ERBB4: variants seen among roughly 807,000 people sequenced by gnomAD.
ERBB4 encodes erb-b2 receptor tyrosine kinase 4, also known as receptor tyrosine-protein kinase erbB-4.
A neutral mutation model predicts 158.0 loss-of-function variants in ERBB4; 42 were observed. The observed-to-expected ratio is 0.27, with a 90% confidence interval of 0.21 to 0.34. The LOEUF (loss-of-function observed/expected upper bound fraction) is 0.34. ERBB4 is among the 10% of genes least tolerant of loss of function. ERBB4 has a pLI of 1.00. For missense variants in ERBB4, 1,333 were observed against 1,624.1 expected, an observed-to-expected ratio of 0.82 and a Z score of 3.08; for synonymous variants, 583 against 558.7, an observed-to-expected ratio of 1.04 and a Z score of -0.61.
chr2:211,557,067 G>A (rs2067255046), intron 20 of ERBB4, among the ~76,000 whole-genome samples: 1 of 152,126 alleles, frequency 6.6e-6, no homozygotes, highest in South Asian at 2.1e-4. Context: ...GCCATATGGA[G>A]AAGATTGAAA....
intron 20 of ERBB4, among the ~76,000 whole-genome samples, chr2:211,471,796 T>C (rs1334814691): frequency 6.6e-6 from 1 of 152,006 alleles, no homozygotes; most frequent in Non-Finnish European, 1.5e-5. Context: ...CAGATAAAAA[T>C]AATGAGCAGT....
intron 1 of ERBB4, among the ~76,000 whole-genome samples, chr2:212,370,884 A>G (rs1305166294): frequency 6.6e-6 from 1 of 152,174 alleles, no homozygotes; most frequent in African/African-American, 2.4e-5. Context: ...TCAAATACCT[A>G]AAATTTTATC....
At chr2:211,777,574 C>A (rs528456432) in intron 4 of ERBB4, 1 of 152,122 alleles carries the variant, frequency 6.6e-6, no homozygotes, top group African/African-American at 2.4e-5. Flanking sequence ...ACTATCCCTA[C>A]GAGGTTTACC....
At chr2:212,066,420 G>C (rs531230461) in intron 2 of ERBB4, among the ~76,000 whole-genome samples, 1 of 151,958 alleles carries the variant, frequency 6.6e-6, no homozygotes, top group African/African-American at 2.4e-5. Context: ...ACCCCGGGAA[G>C]TACAAAAGAG....
chr2:211,512,990 T>C (rs1039046043), intron 20 of ERBB4, among the ~76,000 whole-genome samples: 2 of 152,100 alleles, frequency 1.3e-5, no homozygotes, highest in African/African-American at 2.4e-5. Context: ...TGGGTCAGAC[T>C]GAAACATTAG....
intron 3 of ERBB4, among the ~76,000 whole-genome samples, chr2:211,848,417 T>C (rs2077640769): frequency 6.6e-6 from 1 of 152,084 alleles, no homozygotes; most frequent in Non-Finnish European, 1.5e-5. Context: ...TGTCTTCTAG[T>C]CTAGCCTAAT....
rs1313379159 is a variant in ERBB4 at position 212,474,057 on chromosome 2, T to C, written c.82+64392A>G. ...ATACAATATTAAAGTTTGAAAATCATAAAATAGATAACGAACACTTTTTTC... is the reference window on the plus strand; with the variant it reads ...ATACAATATTAAAGTTTGAAAATCACAAAATAGATAACGAACACTTTTTTC... On this transcript the variant is annotated intron_variant, in intron 1 of 27. Transcript: ENST00000342788. Among the ~76,000 whole-genome samples the C allele has an allele frequency of 5.8e-4, 88 of 152,124 alleles. 1 individual carries two copies. The highest frequency in any genetic ancestry group is 5.7e-3 in the Admixed American group (87 of 15,254).
intron 3 of ERBB4, among the ~76,000 whole-genome samples, chr2:211,798,866 C>G (rs989188040): frequency 6.6e-6 from 1 of 152,144 alleles, no homozygotes; most frequent in East Asian, 1.9e-4. Context: ...AGAACAAGAT[C>G]ATAAATTCTA....
At chr2:211,750,057 A>G (rs2075085282) in intron 5 of ERBB4, among the ~76,000 whole-genome samples, 1 of 152,160 alleles carries the variant, frequency 6.6e-6, no homozygotes, top group Non-Finnish European at 1.5e-5. Context: ...CTTTGTTACT[A>G]TATGTCTTAG....
At chr2:212,102,385 T>C (rs1331850121) in intron 2 of ERBB4, among the ~76,000 whole-genome samples, 2 of 151,982 alleles carry the variant, frequency 1.3e-5, no homozygotes, top group Non-Finnish European at 2.9e-5. Flanking sequence ...CATAACGTGT[T>C]GATATCTTGA....
At position 211,427,274 on chromosome 2, in the gene ERBB4, A is replaced by G. The variant is rs1215564319; in HGVS notation, c.2719+1134T>C. ...CTTTTTTTTAAGCTTAAGTTTGAGT[A>G]ACATAAATTGTACCATACATTTAAA... On this transcript the variant is annotated intron_variant, in intron 22 of 27. Transcript: ENST00000342788. 2.6e-5 allele frequency among the ~76,000 whole-genome samples: 4 copies of G among 152,262 alleles called. No homozygotes were observed. The East Asian group carries it at 7.7e-4, about 29-fold the overall frequency.
chr2:211,790,934 T>C lies in ERBB4; in HGVS notation c.422-2775A>G, dbSNP rs573946500. The stretch of plus-strand genomic sequence containing the variant: ...AGTCTTACACTTTCTTTTGATTAAT[T>C]TGATTACCTAAATATGTGTCAGAAA... On this transcript the variant is annotated intron_variant, in intron 3 of 27. Transcript: ENST00000342788. Among the ~76,000 whole-genome samples the C allele has an allele frequency of 4.6e-5, 7 of 152,048 alleles. No individual in the cohort carries two copies. In the South Asian group the frequency reaches 1.5e-3, roughly 32 times the overall value.
intron 1 of ERBB4, among the ~76,000 whole-genome samples, chr2:212,312,704 A>T (rs2087103019): frequency 6.6e-6 from 1 of 151,022 alleles, no homozygotes; most frequent in Non-Finnish European, 1.5e-5. Context: ...GGAAAACAGC[A>T]GGTATATATC....
chr2:211,648,517 T>A (rs991786201), intron 16 of ERBB4, among the ~76,000 whole-genome samples: 1 of 151,812 alleles, frequency 6.6e-6, no homozygotes, highest in African/African-American at 2.4e-5. Flanking sequence ...CAATGAATAT[T>A]TACTGGCTGC....
At chr2:211,750,437 C>T (rs904539221) in intron 5 of ERBB4, among the ~76,000 whole-genome samples, 6 of 152,078 alleles carry the variant, frequency 3.9e-5, no homozygotes, top group Non-Finnish European at 7.4e-5. Flanking sequence ...CTAGAAACCA[C>T]GAAGAAACCT....
intron 16 of ERBB4, among the ~76,000 whole-genome samples, chr2:211,653,514 G>A (rs1234966718): frequency 4.0e-5 from 5 of 125,388 alleles, no homozygotes; most frequent in Admixed American, 1.1e-4. Flanking sequence ...TTGGGAAACA[G>A]AATACAATAT....
chr2:212,068,071 T>G (rs2077997472), intron 2 of ERBB4, among the ~76,000 whole-genome samples: 1 of 152,034 alleles, frequency 6.6e-6, no homozygotes, highest in African/African-American at 2.4e-5. Flanking sequence ...ATGGGGAGCC[T>G]GGCTGAGGAA....
chr2:211,701,836 A>T, intron 12 of ERBB4, 131 bp downstream of exon 12: 2 of 675,612 alleles, frequency 3.0e-6, no homozygotes. Flanking sequence ...TGTAACAACT[A>T]CCTTCCTTTT....
chr2:212,062,179 G>A lies in ERBB4; in HGVS notation c.234+62573C>T, dbSNP rs567250956. On this transcript the variant is annotated intron_variant, in intron 2 of 27. Transcript: ENST00000342788. ...TTACAAATTTTCATCTTTTCTTTAT[G>A]CAAATAGCATATGAGACATAATCTG... Among the ~76,000 whole-genome samples, 8 of 152,084 alleles carry A rather than the reference G, an allele frequency of 5.3e-5. No individual in the cohort carries two copies. The South Asian group carries it at 1.7e-3, about 32-fold the overall frequency.
Sources: allele counts gnomAD v4.1 joint callset (sites outside exome capture counted in the v4.1 genomes callset), GRCh38; gene constraint gnomAD v4.1.1; transcripts MANE v1.5; gene names NCBI Gene and HGNC (gene_info 2026-07-23, HGNC 2026-07-21).